GALNT5: variants seen among roughly 807,000 people sequenced by gnomAD.
GALNT5 encodes the protein UDP-GalNAc:polypeptide N-acetylgalactosaminyltransferase 5.
In GALNT5, 72 loss-of-function variants were observed where a neutral mutation model predicts 85.4. The ratio of observed to expected loss-of-function variants is 0.84; its 90% CI spans 0.70 to 1.03. The LOEUF (loss-of-function observed/expected upper bound fraction) is 1.03. Ranked by LOEUF, GALNT5 falls within the 50% of genes least tolerant of loss-of-function variation. The pLI, the probability that GALNT5 is intolerant of heterozygous loss-of-function variation, is 0.00. For synonymous variants in GALNT5, 404 were observed against 397.0 expected (o/e 1.02, Z -0.21); for missense variants, 1,137 against 1,135.5 (o/e 1.00, Z -0.02).
Position 157,300,925 on chromosome 2 carries a change from TG to T in GALNT5, c.2366del (p.Cys789SerfsTer15). On this transcript the variant is annotated frameshift_variant, in exon 7 of 10. Coordinates refer to ENST00000259056, the MANE Select transcript of GALNT5 (RefSeq NM_014568.3). LOFTEE classifies it high-confidence loss of function. ...AAGGGAGCTGCGAAAGAAACTGAAG[TG>T]CAAAAGTTTCAAATGGTACTTGGAG... is the stretch of plus-strand genomic sequence containing the variant. ...QQRELRKKLK[C>X]KSFKWYLENV... 1 of 1,614,042 alleles carries T rather than the reference TG, an allele frequency of 6.2e-7. No homozygotes were observed. Among genetic ancestry groups the T allele is most frequent in the Non-Finnish European group, 8.5e-7 (1 of 1,179,946 alleles).
intron 8 of GALNT5, among the ~76,000 whole-genome samples, chr2:157,307,844 G>T (rs927326943): frequency 6.6e-6 from 1 of 152,002 alleles, no homozygotes; most frequent in East Asian, 1.9e-4. Context: ...TAAATTGACC[G>T]GGTAGACAAT....
intron 9 of GALNT5, 55 bp downstream of exon 9, chr2:157,308,783 A>T: frequency 7.1e-7 from 1 of 1,405,670 alleles, no homozygotes; most frequent in Non-Finnish European, 9.8e-7. Context: ...TTGATCAAAT[A>T]GGACATAAAA....
In GALNT5 at chr2:157,313,375, G is replaced by A. The variant is rs1030274346; in HGVS notation, c.*2027G>A. 1.3e-5 allele frequency: 2 copies of A among 152,148 alleles called. No homozygotes were observed. Among genetic ancestry groups the A allele is most frequent in the African/African-American group, 4.8e-5 (2 of 41,420 alleles). 9.4% of individuals were successfully genotyped at this position (152,148 alleles called of 1,614,324 possible). ...ATCTAGGTTTGTGTAAGTACACTCT[G>A]ATATTCACACAATGATGAAATTGCC... On this transcript the variant is annotated 3_prime_UTR_variant, in exon 10 of 10. Coordinates refer to ENST00000259056, the MANE Select transcript of GALNT5 (RefSeq NM_014568.3).
Position 157,258,405 on chromosome 2 carries a change from C to A in GALNT5, c.323C>A (p.Thr108Asn). ...VLKVEVDLDQ[T>N]QRERKMQNAL... is the part of the protein sequence containing the mutation. ...AAGGTTGAGGTGGACTTGGACCAAA[C>A]CCAGAGGGAAAGAAAAATGCAGAAT... The change falls in exon 1 of 10, where the codon ACC becomes AAC. Residue 108 changes from threonine to asparagine, a missense_variant. By Grantham distance (65) the Thr-to-Asn change is moderately conservative. Coordinates refer to ENST00000259056, the MANE Select transcript of GALNT5 (RefSeq NM_014568.3). 1 of 1,610,702 alleles carries A rather than the reference C, an allele frequency of 6.2e-7. No individual in the cohort carries two copies. Among genetic ancestry groups the A allele is most frequent in the Non-Finnish European group, 8.5e-7 (1 of 1,178,932 alleles).
chr2:157,281,438 G>C (rs1682851876), intron 1 of GALNT5, among the ~76,000 whole-genome samples: 1 of 152,152 alleles, frequency 6.6e-6, no homozygotes, highest in South Asian at 2.1e-4. Context: ...ATTCTGTGAA[G>C]CATCATAGAA....
At chr2:157,261,340 T>C (rs935709071) in intron 1 of GALNT5, among the ~76,000 whole-genome samples, 66 of 152,330 alleles carry the variant, frequency 4.3e-4, no homozygotes, top group African/African-American at 1.5e-3. Context: ...GTGTGGCTCA[T>C]TGAAAGCTCG....
chr2:157,311,364 T>C lies in GALNT5; in HGVS notation c.*16T>C, dbSNP rs746794943. On this transcript the variant is annotated 3_prime_UTR_variant, in exon 10 of 10. Coordinates refer to ENST00000259056, the MANE Select transcript of GALNT5 (RefSeq NM_014568.3). ...TGAAGCCTGAAGTGTAACTGATGTT[T>C]TTATATAGTAAACCCATTAAATACT... The C allele has an allele frequency of 6.5e-7, 1 of 1,541,518 alleles. No individual in the cohort carries two copies. Among genetic ancestry groups the C allele is most frequent in the Admixed American group, 1.8e-5 (1 of 54,772 alleles).
At chr2:157,306,059 T>G (rs1683448759) in intron 8 of GALNT5, among the ~76,000 whole-genome samples, 1 of 152,224 alleles carries the variant, frequency 6.6e-6, no homozygotes. Flanking sequence ...CACCATCATT[T>G]GCAAAAGCGT....
intron 7 of GALNT5, among the ~76,000 whole-genome samples, chr2:157,304,858 A>G (rs1189440378): frequency 6.6e-6 from 1 of 152,182 alleles, no homozygotes; most frequent in Non-Finnish European, 1.5e-5. Flanking sequence ...TCCAGTCTGC[A>G]TCAGTGCAGC....
At chr2:157,303,498 AT>A (rs377610624) in intron 7 of GALNT5, among the ~76,000 whole-genome samples, 58 of 125,888 alleles carry the variant, frequency 4.6e-4, no homozygotes, top group African/African-American at 2.2e-3. Flanking sequence ...TACACTGCCT[AT>A]TTTTTTTAAA....
Position 157,314,763 on chromosome 2 carries a change from T to C in GALNT5, c.*3415T>C, listed in dbSNP as rs1683659084. ...CTTTGTTTTAACATCTCTGATTGAATTCCTATATTCAGAATACAAGAAAAA... is the reference window on the plus strand; with the variant it reads ...CTTTGTTTTAACATCTCTGATTGAACTCCTATATTCAGAATACAAGAAAAA... On this transcript the variant is annotated 3_prime_UTR_variant, in exon 10 of 10. Transcript: ENST00000259056. 6.6e-6 allele frequency among the ~76,000 whole-genome samples: 1 copy of C among 152,124 alleles called. No homozygotes were observed. Among genetic ancestry groups the C allele is most frequent in the Non-Finnish European group, 1.5e-5 (1 of 68,022 alleles).
intron 3 of GALNT5, among the ~76,000 whole-genome samples, chr2:157,292,284 T>C (rs1683117678): frequency 6.6e-6 from 1 of 152,156 alleles, no homozygotes. Context: ...CCATAGACAA[T>C]AACCACGCCA....
At chr2:157,307,302 C>G (rs1168468787) in intron 8 of GALNT5, among the ~76,000 whole-genome samples, 1 of 152,114 alleles carries the variant, frequency 6.6e-6, no homozygotes, top group Non-Finnish European at 1.5e-5. Flanking sequence ...GGCTTAATAC[C>G]AAGCCAGTGA....
In GALNT5 at chr2:157,284,325, G is replaced by A. The variant is rs753167525; in HGVS notation, c.1498G>A (p.Val500Ile). The A allele has an allele frequency of 3.1e-6, 5 of 1,613,940 alleles. No individual in the cohort carries two copies. The East Asian group carries it at 1.1e-4, about 36-fold the overall frequency. The stretch of plus-strand genomic sequence containing the variant: ...TCACAATAACCTCCCAACCACCAGT[G>A]TCATCATGTGCTTTGTGGATGAAGT... Reference protein sequence around the residue: ...LVHNNLPTTSVIMCFVDEVWS... With the variant: ...LVHNNLPTTSIIMCFVDEVWS... Residue 500 changes from valine (V) to isoleucine (I), a missense_variant, in exon 2 of 10, where the codon GTC (valine) becomes ATC (isoleucine). By Grantham distance (29) the Val-to-Ile change is conservative. Coordinates refer to ENST00000259056, the MANE Select transcript of GALNT5 (RefSeq NM_014568.3).
intron 1 of GALNT5, among the ~76,000 whole-genome samples, chr2:157,263,726 T>C (rs944896848): frequency 3.9e-5 from 6 of 152,228 alleles, no homozygotes; most frequent in Admixed American, 6.5e-5. Context: ...GATACTACTT[T>C]AAAAATAATC....
chr2:157,279,210 G>A (rs1309119520), intron 1 of GALNT5, among the ~76,000 whole-genome samples: 1 of 152,120 alleles, frequency 6.6e-6, no homozygotes, highest in African/African-American at 2.4e-5. Flanking sequence ...TCCCAGAGGG[G>A]CACCCGCCTA....
intron 1 of GALNT5, among the ~76,000 whole-genome samples, chr2:157,269,846 T>C (rs1394206295): frequency 6.6e-6 from 1 of 152,146 alleles, no homozygotes. Flanking sequence ...TCACTGGATG[T>C]TTCTCAGACC....
rs942535429 is a variant in GALNT5 at position 157,317,570 on chromosome 2, A to C, written c.*6222A>C. On this transcript the variant is annotated 3_prime_UTR_variant, in exon 10 of 10. Coordinates refer to ENST00000259056, the MANE Select transcript of GALNT5 (RefSeq NM_014568.3). ...TTGCCTGAAAACATTTGCTAAGGGG[A>C]GAATAAAACTAAAACTGTGGAGTAT... 7.2e-5 allele frequency among the ~76,000 whole-genome samples: 11 copies of C among 152,252 alleles called. No homozygotes were observed. Among genetic ancestry groups the C allele is most frequent in the Admixed American group, 6.5e-5 (1 of 15,282 alleles).
intron 7 of GALNT5, chr2:157,302,267 C>T (rs1371542092): frequency 6.6e-5 from 10 of 152,144 alleles, no homozygotes; most frequent in African/African-American, 2.4e-4. Context: ...ATAGCAAAAA[C>T]TTACTATAAT....
Sources: allele counts gnomAD v4.1 joint callset (sites outside exome capture counted in the v4.1 genomes callset), GRCh38; gene constraint gnomAD v4.1.1; transcripts MANE v1.5; gene names NCBI Gene and HGNC (gene_info 2026-07-23, HGNC 2026-07-21).